Variants in DGKB observed in about 807,000 individuals in gnomAD.
DGKB encodes 90 kDa diacylglycerol kinase.
A neutral mutation model predicts 114.3 loss-of-function variants in DGKB; 67 were observed. The observed-to-expected ratio is 0.59, with a 90% CI of 0.48 to 0.72. The LOEUF is 0.72. Among genes scored for constraint, DGKB ranks in the 30% least tolerant of loss-of-function variants. The probability of loss-of-function intolerance (pLI) is 0.00; values close to 1 mark genes in which losing one functional copy is unlikely to be tolerated. For missense variants in DGKB, 907 were observed against 975.2 expected (o/e 0.93, Z 0.93); for synonymous variants, 398 against 323.1 (o/e 1.23, Z -2.49).
intron 8 of DGKB, among the ~76,000 whole-genome samples, chr7:14,697,883 G>A (rs1359494394): frequency 6.3e-5 from 9 of 142,582 alleles, no homozygotes. Context: ...GAGGGAGGGA[G>A]GGGAGAAAGA....
chr7:14,939,034 C>T (rs576978584), intron 1 of DGKB, among the ~76,000 whole-genome samples: 1 of 151,920 alleles, frequency 6.6e-6, no homozygotes, highest in African/African-American at 2.4e-5. Flanking sequence ...CATTGCTGTC[C>T]TATAAAGACC....
At chr7:14,968,361 G>A (rs1787283526) in intron 1 of DGKB, among the ~76,000 whole-genome samples, 1 of 151,940 alleles carries the variant, frequency 6.6e-6, no homozygotes, top group African/African-American at 2.4e-5. Context: ...ATGTAATATT[G>A]TATTCACAGT....
chr7:14,495,748 A>G (rs1785214689), intron 20 of DGKB, among the ~76,000 whole-genome samples: 1 of 151,814 alleles, frequency 6.6e-6, no homozygotes, highest in Admixed American at 6.6e-5. Flanking sequence ...TTTACTTCAA[A>G]ACAACTATTC....
intron 25 of DGKB, among the ~76,000 whole-genome samples, chr7:14,163,204 A>T (rs1419481083): frequency 1.3e-5 from 2 of 152,212 alleles, no homozygotes; most frequent in Non-Finnish European, 2.9e-5. Flanking sequence ...CCCTGTAACT[A>T]CTGCAAATTA....
chr7:14,284,601 G>T (rs1307668096), intron 23 of DGKB, among the ~76,000 whole-genome samples: 2 of 142,124 alleles, frequency 1.4e-5, no homozygotes, highest in Non-Finnish European at 3.0e-5. Flanking sequence ...GCAAAGACTT[G>T]GAACCAACCC....
chr7:14,877,330 C>T (rs1413083824), intron 1 of DGKB, among the ~76,000 whole-genome samples: 2 of 151,928 alleles, frequency 1.3e-5, no homozygotes, highest in African/African-American at 2.4e-5. Context: ...CTGAGGCTGG[C>T]GGATCACCTG....
At chr7:14,579,162 T>G (rs1645084547) in intron 19 of DGKB, among the ~76,000 whole-genome samples, 1 of 152,210 alleles carries the variant, frequency 6.6e-6, no homozygotes, top group African/African-American at 2.4e-5. Flanking sequence ...ATTGTTCAAT[T>G]TATTTTCAAT....
At chr7:14,643,836 G>T (rs980876321) in intron 13 of DGKB, among the ~76,000 whole-genome samples, 2 of 152,172 alleles carry the variant, frequency 1.3e-5, no homozygotes, top group African/African-American at 4.8e-5. Context: ...CCATCCAGGA[G>T]CCCGAGGCCA....
intron 21 of DGKB, among the ~76,000 whole-genome samples, chr7:14,439,306 A>G (rs1829732125): frequency 6.6e-6 from 1 of 152,160 alleles, no homozygotes; most frequent in Non-Finnish European, 1.5e-5. Context: ...TTCTCAATAT[A>G]CAGTAAAGGA....
At chr7:14,552,942 G>A (rs1450062017) in intron 20 of DGKB, among the ~76,000 whole-genome samples, 2 of 152,162 alleles carry the variant, frequency 1.3e-5, no homozygotes, top group African/African-American at 4.8e-5. Flanking sequence ...AACCTAGAAA[G>A]TCAAATTAAA....
At chr7:14,715,967 C>T (rs1370254366) in intron 6 of DGKB, among the ~76,000 whole-genome samples, 2 of 152,068 alleles carry the variant, frequency 1.3e-5, no homozygotes, top group African/African-American at 4.8e-5. Flanking sequence ...AAATACCTGG[C>T]AGAAAAGACA....
At chr7:14,929,465 G>T (rs1784899077) in intron 1 of DGKB, among the ~76,000 whole-genome samples, 1 of 152,132 alleles carries the variant, frequency 6.6e-6, no homozygotes, top group Admixed American at 6.5e-5. Flanking sequence ...GTATTTCTCT[G>T]ATGGTTAGTG....
intron 21 of DGKB, among the ~76,000 whole-genome samples, chr7:14,370,289 G>A (rs929328816): frequency 6.6e-6 from 1 of 151,736 alleles, no homozygotes; most frequent in Non-Finnish European, 1.5e-5. Context: ...GGCCTCTGTT[G>A]TGTTCCATTG....
chr7:14,301,743 TA>T (rs1403782319), intron 23 of DGKB, among the ~76,000 whole-genome samples: 2 of 151,526 alleles, frequency 1.3e-5, no homozygotes, highest in Non-Finnish European at 2.9e-5. Flanking sequence ...AATAAGAGAG[TA>T]AAAAAATGGT....
At chr7:14,656,537 C>T (rs1217305205) in intron 13 of DGKB, among the ~76,000 whole-genome samples, 1 of 151,528 alleles carries the variant, frequency 6.6e-6, no homozygotes, top group Non-Finnish European at 1.5e-5. Flanking sequence ...AATATATTAA[C>T]TTCCCAATTG....
At chr7:14,820,078 C>CT (rs1844707585) in intron 2 of DGKB, among the ~76,000 whole-genome samples, 1 of 151,932 alleles carries the variant, frequency 6.6e-6, no homozygotes, top group African/African-American at 2.4e-5. Context: ...TTTTATCTCT[C>CT]TTTTTTAGTA....
intron 9 of DGKB, among the ~76,000 whole-genome samples, chr7:14,690,614 G>C (rs1045209976): frequency 6.6e-6 from 1 of 152,190 alleles, no homozygotes; most frequent in Non-Finnish European, 1.5e-5. Flanking sequence ...TAGCTTTTGT[G>C]GTTCATTTAC....
intron 20 of DGKB, among the ~76,000 whole-genome samples, chr7:14,485,069 T>C (rs750409818): frequency 1.1e-4 from 16 of 142,650 alleles, no homozygotes; most frequent in Non-Finnish European, 1.5e-4. Flanking sequence ...TGGGGAAAAA[T>C]GATAATTACT....
rs1011950326 is a variant in DGKB, at chr7:14,653,051, T to C, written c.1134+19878A>G. 4.4e-3 allele frequency among the ~76,000 whole-genome samples: 667 copies of C among 151,278 alleles called. 2 individuals carry two copies. The highest frequency in any genetic ancestry group is 0.015 in the African/African-American group (607 of 41,050). On this transcript the variant is annotated intron_variant, in intron 13 of 25. Coordinates refer to ENST00000402815, the MANE Select transcript of DGKB (RefSeq NM_001350709.2). ...GAGAAATAGGAACACTTTTACACTG[T>C]TGGTGGGACTGTAAACTAGTTCAAC...
Sources: gnomAD v4.1 joint callset for allele counts (sites outside exome capture counted in the v4.1 genomes callset) on GRCh38, gnomAD v4.1.1 for gene constraint, MANE v1.5 for transcripts, NCBI Gene and HGNC (gene_info 2026-07-23, HGNC 2026-07-21) for gene names.